ZNF428: variants seen among roughly 807,000 people sequenced by gnomAD.
The protein encoded by ZNF428 is zinc finger protein 428, also known as enzyme-like protein PIT13.
Under a neutral mutation model 15.6 loss-of-function variants are expected in ZNF428, and 5 were observed. The observed-to-expected ratio is 0.32, with a 90% CI of 0.17 to 0.67. ZNF428 has a LOEUF of 0.67. Among genes scored for constraint, ZNF428 ranks in the 30% least tolerant of loss-of-function variants. The pLI is 0.73. For missense variants in ZNF428, 237 were observed against 256.0 expected, an observed-to-expected ratio of 0.93 and a Z score of 0.51; for synonymous variants, 97 against 102.2, an observed-to-expected ratio of 0.95 and a Z score of 0.31.
intron 2 of ZNF428, among the ~76,000 whole-genome samples, chr19:43,608,825 G>A (rs1321102911): frequency 6.6e-6 from 1 of 151,704 alleles, no homozygotes; most frequent in African/African-American, 2.4e-5. Flanking sequence ...CTACTCGGGA[G>A]GCTGAGGCAG....
chr19:43,614,293 G>C lies in ZNF428; in HGVS notation c.12C>G (p.Thr4=). The change falls in exon 2 of 3, where the codon ACC becomes ACG. Residue 4 remains threonine (T), a synonymous_variant. Transcript: ENST00000300811. MTE[T]REPAETGGYA... The stretch of plus-strand genomic sequence containing the variant: ...AGCCCCCAGTCTCAGCTGGCTCACG[G>C]GTCTCTGTCATGACCGGGGGAGGGG... The C allele has an allele frequency of 6.2e-7, 1 of 1,609,920 alleles. No homozygotes were observed. Among genetic ancestry groups the C allele is most frequent in the Non-Finnish European group, 8.5e-7 (1 of 1,177,656 alleles).
Position 43,613,345 on chromosome 19 carries a change from C to A in ZNF428, c.76+884G>T. 5.8e-6 allele frequency: 9 copies of A among 1,550,928 alleles called. No individual in the cohort carries two copies. The highest frequency in any genetic ancestry group is 7.8e-6 in the Non-Finnish European group (9 of 1,146,744). On this transcript the variant is annotated intron_variant, in intron 2 of 2. Transcript: ENST00000300811. ...ATCACAGCCGATCTAGAAGTCCCAA[C>A]AAGGCGAGAGATCGCAGCCGATCTA...
chr19:43,614,969 A>C (rs1973357368), intron 1 of ZNF428, among the ~76,000 whole-genome samples: 1 of 151,996 alleles, frequency 6.6e-6, no homozygotes, highest in African/African-American at 2.4e-5. Flanking sequence ...TGGGGTAGGG[A>C]GAGGTGACAC....
chr19:43,607,662 C>T lies in ZNF428; in HGVS notation c.522G>A (p.Gly174=), dbSNP rs1328641698. 4 of 1,609,566 alleles carry T rather than the reference C, an allele frequency of 2.5e-6. No individual in the cohort carries two copies. In the East Asian group the frequency reaches 8.9e-5, roughly 36 times the overall value. ...GCAGCATGAAGTGCCCGTGCAGCTC[C>T]CCCAGGTTGTCGAAGGAATCCTCAC... ...TECEDSFDNL[G]ELHGHFMLHA... Residue 174 remains glycine, a synonymous_variant, in exon 3 of 3, where the codon GGG becomes GGA. Transcript: ENST00000300811. The surrounding 1 kb of genome is among the most constrained non-coding windows in gnomAD (Gnocchi z 5.1).
Position 43,612,849 on chromosome 19 carries a change from A to T in ZNF428, c.76+1380T>A. On this transcript the variant is annotated intron_variant, in intron 2 of 2. Coordinates refer to ENST00000300811, the MANE Select transcript of ZNF428 (RefSeq NM_182498.4). The surrounding 1 kb of genome is among the most constrained non-coding windows in gnomAD (Gnocchi z 4.2). ...TCTCCATCCTCATCAAGGAAGGTGAAGAGCTACGGTCAGATGATCATCCCC... is the reference window on the plus strand; with the variant it reads ...TCTCCATCCTCATCAAGGAAGGTGATGAGCTACGGTCAGATGATCATCCCC... 6.4e-7 allele frequency: 1 copy of T among 1,551,742 alleles called. No individual in the cohort carries two copies. Among genetic ancestry groups the T allele is most frequent in the Non-Finnish European group, 8.7e-7 (1 of 1,146,998 alleles).
At chr19:43,614,002 A>C (rs1266884929) in intron 2 of ZNF428, 1 of 1,551,752 alleles carries the variant, frequency 6.4e-7, no homozygotes, top group East Asian at 2.4e-5. Flanking sequence ...GCAAAGAAGG[A>C]AATCATAGCC....
At chr19:43,608,191 T>A in intron 2 of ZNF428, 84 bp from the exon 3 acceptor site, 1 of 1,527,130 alleles carries the variant, frequency 6.5e-7, no homozygotes, top group East Asian at 2.3e-5. Context: ...ATCCCCACAT[T>A]CAGACTTGCC....
chr19:43,609,248 C>G (rs1010080834), intron 2 of ZNF428, among the ~76,000 whole-genome samples: 5 of 152,092 alleles, frequency 3.3e-5, no homozygotes, highest in South Asian at 2.1e-4. Flanking sequence ...AAAGCTGAAC[C>G]TGGGCCATGG....
rs77657993 is a variant in ZNF428, at chr19:43,609,811, A to G, written c.77-1704T>C. On this transcript the variant is annotated intron_variant, in intron 2 of 2. Coordinates refer to ENST00000300811, the MANE Select transcript of ZNF428 (RefSeq NM_182498.4). ...GAAAAGGGCGACATCAGCTGCCATTATGGGGGCGCACACACAGAGTAATGG... is the reference window on the plus strand; with the variant it reads ...GAAAAGGGCGACATCAGCTGCCATTGTGGGGGCGCACACACAGAGTAATGG... Among the ~76,000 whole-genome samples the G allele has an allele frequency of 7.9e-3, 1,197 of 151,870 alleles. 7 individuals are homozygous for G. Among genetic ancestry groups the G allele is most frequent in the Non-Finnish European group, 0.013 (899 of 67,978 alleles).
At chr19:43,609,029 A>G (rs973513936) in intron 2 of ZNF428, among the ~76,000 whole-genome samples, 2 of 152,104 alleles carry the variant, frequency 1.3e-5, no homozygotes, top group Non-Finnish European at 2.9e-5. Context: ...GGAGGCATTT[A>G]GGAAGGACAA....
chr19:43,617,541 A>C (rs1973383687), intron 1 of ZNF428, among the ~76,000 whole-genome samples: 1 of 152,192 alleles, frequency 6.6e-6, no homozygotes. Context: ...AAAGCACCTA[A>C]ATCTTGGCTT....
At position 43,612,744 on chromosome 19, in the gene ZNF428, C is replaced by G; in HGVS notation, c.76+1485G>C. 2 of 1,551,616 alleles carry G rather than the reference C, an allele frequency of 1.3e-6. No individual in the cohort carries two copies. The highest frequency in any genetic ancestry group is 1.7e-6 in the Non-Finnish European group (2 of 1,146,974). ...GGAGGCTCAGGTATAGGGAGGAGTT[C>G]CGAGCTGGCTGTAACTCCCAGTACA... is the stretch of plus-strand genomic sequence containing the variant. On this transcript the variant is annotated intron_variant, in intron 2 of 2. Coordinates refer to ENST00000300811, the MANE Select transcript of ZNF428 (RefSeq NM_182498.4). This position sits in a 1 kb window ranked among gnomAD's most constrained non-coding sequence, Gnocchi z 4.2.
intron 1 of ZNF428, among the ~76,000 whole-genome samples, chr19:43,617,236 C>T (rs928306250): frequency 6.6e-6 from 1 of 152,042 alleles, no homozygotes; most frequent in African/African-American, 2.4e-5. Flanking sequence ...TCCCTCTTCA[C>T]CAACGGACCG....
Position 43,613,941 on chromosome 19 carries a change from G to A in ZNF428, c.76+288C>T, listed in dbSNP as rs1188071887. ...CCCAATAAGCAGAGTGGTTACAGTCGACCTAGAGCCTCCAGCAAGGAGAAA... is the reference window on the plus strand; with the variant it reads ...CCCAATAAGCAGAGTGGTTACAGTCAACCTAGAGCCTCCAGCAAGGAGAAA... On this transcript the variant is annotated intron_variant, in intron 2 of 2. Transcript: ENST00000300811. 2.6e-6 allele frequency: 4 copies of A among 1,551,460 alleles called. No homozygotes were observed. Among genetic ancestry groups the A allele is most frequent in the East Asian group, 2.4e-5 (1 of 40,912 alleles).
At chr19:43,613,309 C>A (rs1973325196) in intron 2 of ZNF428, 1 of 1,551,394 alleles carries the variant, frequency 6.4e-7, no homozygotes, top group African/African-American at 1.4e-5. Flanking sequence ...GAAGCCCCAA[C>A]AAGCAGAGAG....
intron 2 of ZNF428, chr19:43,613,832 C>A (rs140088988): frequency 6.5e-7 from 1 of 1,549,418 alleles, no homozygotes; most frequent in Non-Finnish European, 8.7e-7. Flanking sequence ...AGATCGCAGA[C>A]GATGGAGAAG....
At chr19:43,608,236 C>T in intron 2 of ZNF428, 129 bp from the exon 3 acceptor site, 5 of 1,246,340 alleles carry the variant, frequency 4.0e-6, no homozygotes, top group Middle Eastern at 2.9e-4. Context: ...CACTACCCTT[C>T]CCTTCCCCAC....
intron 1 of ZNF428, among the ~76,000 whole-genome samples, chr19:43,614,894 GTCC>G (rs1282445187): frequency 6.6e-6 from 1 of 151,836 alleles, no homozygotes; most frequent in Non-Finnish European, 1.5e-5. Flanking sequence ...CACCGCACCC[GTCC>G]CCCTCTCTAG....
At chr19:43,613,716 A>C (rs1421107691) in intron 2 of ZNF428, 3 of 1,551,390 alleles carry the variant, frequency 1.9e-6, no homozygotes, top group East Asian at 2.4e-5. Flanking sequence ...AAGGAGAGAC[A>C]GCGCAGACAA....
Sources: allele counts gnomAD v4.1 joint callset (sites outside exome capture counted in the v4.1 genomes callset), GRCh38; gene constraint gnomAD v4.1.1; non-coding constraint Gnocchi (gnomAD v3.1); transcripts MANE v1.5; gene names NCBI Gene and HGNC (gene_info 2026-07-23, HGNC 2026-07-21).